PGR: variants seen among roughly 807,000 people sequenced by gnomAD.
The protein encoded by PGR is progesterone receptor.
PGR carries 25 observed loss-of-function variants against 76.1 expected under a neutral mutation model. The ratio of observed to expected loss-of-function variants is 0.33; its 90% CI spans 0.24 to 0.46. PGR has a LOEUF of 0.46. Among genes scored for constraint, PGR ranks in the 20% least tolerant of loss-of-function variants. PGR has a pLI of 1.00. For missense variants in PGR, 1,172 were observed against 1,225.3 expected, an observed-to-expected ratio of 0.96 and a Z score of 0.65; for synonymous variants, 579 against 535.0, an observed-to-expected ratio of 1.08 and a Z score of -1.14.
chr11:101,058,456 C>T (rs1144133), intron 4 of PGR, among the ~76,000 whole-genome samples: 11,350 of 152,060 alleles, frequency 0.075, 463 homozygotes, highest in East Asian at 0.19. Flanking sequence ...TGTTTTGGCA[C>T]GCTTCAAAAG....
intron 2 of PGR, among the ~76,000 whole-genome samples, chr11:101,110,346 C>G (rs1402047101): frequency 6.6e-6 from 1 of 152,150 alleles, no homozygotes; most frequent in African/African-American, 2.4e-5. Context: ...CGGAGAAAGT[C>G]AAAGCATCAG....
chr11:101,056,989 A>G (rs1860319189), intron 4 of PGR, among the ~76,000 whole-genome samples: 1 of 152,254 alleles, frequency 6.6e-6, no homozygotes, highest in Non-Finnish European at 1.5e-5. Context: ...TTAAATTTCT[A>G]TAAATATTCT....
chr11:101,127,735 C>T lies in PGR; in HGVS notation c.1336G>A (p.Ala446Thr). Residue 446 changes from alanine (A) to threonine (T), a missense_variant, in exon 1 of 8, where the codon GCC becomes ACC. By Grantham distance (58) the Ala-to-Thr change is moderately conservative. This residue lies in a region of PGR where 893 missense variants were observed against 785.9 expected (regional missense o/e 1.14). Transcript: ENST00000325455. ...GAGGAGGACGCAGACGAGACTGAGG[C>T]ACTGGCGGGTGCGGCCGTCACCGCC... ...EAAVTAAPASASVSSASSSGS... is the reference protein window; with the variant it reads ...EAAVTAAPASTSVSSASSSGS... The T allele has an allele frequency of 6.4e-7, 1 of 1,564,128 alleles. No individual in the cohort carries two copies. The highest frequency in any genetic ancestry group is 8.6e-7 in the Non-Finnish European group (1 of 1,161,468).
chr11:101,069,194 G>C (rs1308246968), intron 3 of PGR, among the ~76,000 whole-genome samples: 8 of 151,962 alleles, frequency 5.3e-5, no homozygotes, highest in Admixed American at 3.9e-4. Context: ...ATCAAAAAGT[G>C]GGTGAAGGGT....
intron 3 of PGR, among the ~76,000 whole-genome samples, chr11:101,076,437 C>A (rs939791863): frequency 6.6e-6 from 1 of 151,970 alleles, no homozygotes; most frequent in African/African-American, 2.4e-5. Context: ...TCACGTTCTG[C>A]ACGTGTATCC....
intron 3 of PGR, among the ~76,000 whole-genome samples, chr11:101,072,457 G>C (rs1860973200): frequency 6.6e-6 from 1 of 152,160 alleles, no homozygotes; most frequent in East Asian, 1.9e-4. Flanking sequence ...ATAATGACAG[G>C]ATCAAATTCA....
chr11:101,061,402 T>C (rs1339989964), intron 4 of PGR, among the ~76,000 whole-genome samples: 1 of 152,156 alleles, frequency 6.6e-6, no homozygotes, highest in Admixed American at 6.5e-5. Flanking sequence ...AACAAACAGG[T>C]ATCTATTTTT....
intron 4 of PGR, among the ~76,000 whole-genome samples, chr11:101,052,883 AT>A (rs747319385): frequency 3.3e-5 from 5 of 152,190 alleles, no homozygotes; most frequent in Non-Finnish European, 7.3e-5. Flanking sequence ...TGATAACAGC[AT>A]TGCTGAGATA....
intron 3 of PGR, among the ~76,000 whole-genome samples, chr11:101,082,283 C>T (rs751105766): frequency 6.6e-6 from 1 of 152,138 alleles, no homozygotes; most frequent in Non-Finnish European, 1.5e-5. Context: ...TCATAAATTA[C>T]CCAGTCTCAG....
chr11:101,083,727 CATTTAAAATGGGAGT>C (rs1162938830), intron 3 of PGR, among the ~76,000 whole-genome samples: 2 of 152,162 alleles, frequency 1.3e-5, no homozygotes, highest in Non-Finnish European at 2.9e-5. Flanking sequence ...CAGTTACTCC[CATTTAAAATGGGAGT>C]ATTTACCCAA....
chr11:101,107,313 T>C (rs1341534324), intron 2 of PGR, among the ~76,000 whole-genome samples: 1 of 152,206 alleles, frequency 6.6e-6, no homozygotes, highest in African/African-American at 2.4e-5. Flanking sequence ...TTTTCATCTA[T>C]CTTTCCTGAA....
In PGR at chr11:101,128,207, C is replaced by G. The variant is rs771899325; in HGVS notation, c.864G>C (p.Pro288=). Residue 288 remains proline, a synonymous_variant, in exon 1 of 8, where the codon CCG becomes CCC. Coordinates refer to ENST00000325455, the MANE Select transcript of PGR (RefSeq NM_000926.4). ...PRVALVEQDA[P]MAPGRSPLAT... ...CCAGCGGGGAGCGCCCGGGCGCCAT[C>G]GGCGCGTCCTGCTCCACCAGGGCGA... 6.3e-7 allele frequency: 1 copy of G among 1,598,270 alleles called. No individual in the cohort carries two copies. Among genetic ancestry groups the G allele is most frequent in the Non-Finnish European group, 8.5e-7 (1 of 1,179,470 alleles).
At chr11:101,097,155 G>A (rs1273640905) in intron 2 of PGR, among the ~76,000 whole-genome samples, 1 of 152,132 alleles carries the variant, frequency 6.6e-6, no homozygotes, top group Non-Finnish European at 1.5e-5. Context: ...GGGGAAAGCA[G>A]GGGGTGAGTT....
At chr11:101,084,829 C>G (rs549796727) in intron 3 of PGR, among the ~76,000 whole-genome samples, 1 of 152,110 alleles carries the variant, frequency 6.6e-6, no homozygotes, top group African/African-American at 2.4e-5. Flanking sequence ...GGTTGCTATT[C>G]TTAGATTAGA....
At chr11:101,066,497 C>A (rs1303208579) in intron 3 of PGR, among the ~76,000 whole-genome samples, 1 of 152,144 alleles carries the variant, frequency 6.6e-6, no homozygotes, top group Non-Finnish European at 1.5e-5. Flanking sequence ...GCATCTAGTT[C>A]TATGTCTCTA....
At chr11:101,101,335 A>C (rs144190073) in intron 2 of PGR, among the ~76,000 whole-genome samples, 27 of 152,324 alleles carry the variant, frequency 1.8e-4, no homozygotes, top group African/African-American at 6.5e-4. Context: ...AAACCACTGG[A>C]GATTACTAGG....
At position 101,129,368 on chromosome 11, in the gene PGR, G is replaced by A. The variant is rs889257387; in HGVS notation, c.-298C>T. Reference sequence around the variant, plus strand: ...TAGGAGATCTCGTCTCCTAACTCGGGGAGTTCTCCAAGAGAGTTCTCCAAC... The same window carrying A: ...TAGGAGATCTCGTCTCCTAACTCGGAGAGTTCTCCAAGAGAGTTCTCCAAC... On this transcript the variant is annotated 5_prime_UTR_variant, in exon 1 of 8. Transcript: ENST00000325455. The A allele has an allele frequency of 1.6e-5, 6 of 386,714 alleles. No individual in the cohort carries two copies. Among genetic ancestry groups the A allele is most frequent in the African/African-American group, 1.0e-4 (5 of 49,852 alleles). 24.0% of individuals were successfully genotyped at this position (386,714 alleles called of 1,614,324 possible).
intron 2 of PGR, among the ~76,000 whole-genome samples, chr11:101,093,328 C>T (rs1304452437): frequency 3.4e-5 from 5 of 147,594 alleles, no homozygotes; most frequent in African/African-American, 1.3e-4. Flanking sequence ...TTTTTTTTTA[C>T]CACAAGTTAT....
intron 3 of PGR, among the ~76,000 whole-genome samples, chr11:101,090,494 T>C (rs1156716384): frequency 2.6e-5 from 4 of 152,242 alleles, no homozygotes; most frequent in African/African-American, 7.2e-5. Context: ...GGCTCCGACA[T>C]TGACTAGATG....
Sources: gnomAD v4.1 joint callset for allele counts (sites outside exome capture counted in the v4.1 genomes callset) on GRCh38, gnomAD v4.1.1 for gene constraint, gnomAD v4.1.1 regional missense constraint, MANE v1.5 for transcripts, NCBI Gene and HGNC (gene_info 2026-07-23, HGNC 2026-07-21) for gene names.